Variants in AFF2 observed in about 807,000 individuals in gnomAD.
AFF2 encodes AF4/FMR2 family member 2.
In AFF2, 14 loss-of-function variants were observed where a neutral mutation model predicts 76.9. The observed-to-expected ratio is 0.18, with a 90% CI of 0.12 to 0.28. The LOEUF is 0.28. Ranked by LOEUF, AFF2 falls within the 10% of genes least tolerant of loss-of-function variation. The pLI is 1.00. For missense variants in AFF2, 868 were observed against 1,001.1 expected, an observed-to-expected ratio of 0.87 and a Z score of 1.79; for synonymous variants, 398 against 366.7, an observed-to-expected ratio of 1.09 and a Z score of -0.98.
At chrX:148,527,164 C>T (rs2052669995) in intron 1 of AFF2, among the ~76,000 whole-genome samples, 1 of 112,293 alleles carries the variant, frequency 8.9e-6, no homozygotes, top group African/African-American at 3.2e-5. Flanking sequence ...TGGAGACCTC[C>T]TGTGCCTCCT....
chrX:148,594,107 A>G (rs907542414), intron 1 of AFF2, among the ~76,000 whole-genome samples: 1 of 110,826 alleles, frequency 9.0e-6, no homozygotes, highest in Admixed American at 9.7e-5. Flanking sequence ...ATTTCGGTTT[A>G]TGAAACATCA....
At chrX:148,511,833 T>C (rs974789760) in intron 1 of AFF2, among the ~76,000 whole-genome samples, 13 of 112,677 alleles carry the variant, frequency 1.2e-4, no homozygotes, top group African/African-American at 4.2e-4. Flanking sequence ...GAGTTGAAGA[T>C]GAGCTGATAA....
chrX:148,999,179 T>A lies in AFF2; in HGVS notation c.*7847T>A, dbSNP rs1188397893. 9.0e-6 allele frequency: 1 copy of A among 111,366 alleles called. No individual in the cohort carries two copies. Among genetic ancestry groups the A allele is most frequent in the Non-Finnish European group, 1.9e-5 (1 of 53,086 alleles). 9.2% of individuals were successfully genotyped at this position (111,366 alleles called of 1,213,427 possible). ...GGTAAATTGACTGAGACTTGCAAAATACCCCTGAGAGTTGTCAGGGGTGTC... is the reference window on the plus strand; with the variant it reads ...GGTAAATTGACTGAGACTTGCAAAAAACCCCTGAGAGTTGTCAGGGGTGTC... On this transcript the variant is annotated 3_prime_UTR_variant, in exon 21 of 21. Coordinates refer to ENST00000370460, the MANE Select transcript of AFF2 (RefSeq NM_002025.4).
At chrX:148,955,582 C>G (rs373540525) in intron 10 of AFF2, 21 bp from the exon 11 acceptor site, 1 of 1,183,756 alleles carries the variant, frequency 8.4e-7, no homozygotes, top group Non-Finnish European at 1.1e-6. Flanking sequence ...ATCATTCTTG[C>G]TGCTGTTTCT....
chrX:148,616,611 A>G (rs550160531), intron 1 of AFF2, among the ~76,000 whole-genome samples: 39 of 110,327 alleles, frequency 3.5e-4, no homozygotes, highest in African/African-American at 1.2e-3. Context: ...TTTAGGGTAC[A>G]TGTGCACAAC....
intron 1 of AFF2, among the ~76,000 whole-genome samples, chrX:148,504,220 C>G (rs1421797626): frequency 2.7e-5 from 3 of 110,441 alleles, no homozygotes; most frequent in Non-Finnish European, 5.7e-5. Context: ...CACCTCCCAC[C>G]CAGTATTGAT....
intron 1 of AFF2, among the ~76,000 whole-genome samples, chrX:148,543,213 C>T (rs1204940314): frequency 1.8e-5 from 2 of 111,613 alleles, no homozygotes; most frequent in African/African-American, 6.5e-5. Context: ...TCTGAGTCTG[C>T]ATTGTCAAAA....
At chrX:148,892,639 G>A (rs2071236780) in intron 8 of AFF2, among the ~76,000 whole-genome samples, 1 of 111,515 alleles carries the variant, frequency 9.0e-6, no homozygotes, top group South Asian at 3.8e-4. Flanking sequence ...TAAATTGAAA[G>A]CCCGCATTTA....
At chrX:148,605,847 T>G (rs1195819558) in intron 1 of AFF2, among the ~76,000 whole-genome samples, 2 of 112,076 alleles carry the variant, frequency 1.8e-5, no homozygotes, top group African/African-American at 6.5e-5. Context: ...AAATACCAAG[T>G]CACCATTAGT....
intron 9 of AFF2, among the ~76,000 whole-genome samples, chrX:148,937,572 A>G (rs1461514478): frequency 8.9e-6 from 1 of 112,209 alleles, no homozygotes; most frequent in Non-Finnish European, 1.9e-5. Flanking sequence ...CAAAAGGGTA[A>G]GCAGGTGTCT....
At chrX:148,776,321 T>A (rs2069666218) in intron 3 of AFF2, among the ~76,000 whole-genome samples, 1 of 112,140 alleles carries the variant, frequency 8.9e-6, no homozygotes, top group African/African-American at 3.2e-5. Flanking sequence ...AATAAACATA[T>A]GTGTGTATGT....
intron 18 of AFF2, among the ~76,000 whole-genome samples, chrX:148,980,425 G>A (rs782045294): frequency 4.5e-5 from 5 of 112,145 alleles, no homozygotes; most frequent in African/African-American, 1.6e-4. Context: ...TTGTTTGGCA[G>A]AATAAATTTC....
chrX:148,529,985 G>C (rs1557235658), intron 1 of AFF2, among the ~76,000 whole-genome samples: 1 of 111,125 alleles, frequency 9.0e-6, no homozygotes, highest in African/African-American at 3.3e-5. Flanking sequence ...TGCGACTTTG[G>C]GCAAGTCCCT....
At chrX:148,724,750 A>G (rs1447195886) in intron 3 of AFF2, among the ~76,000 whole-genome samples, 7 of 112,497 alleles carry the variant, frequency 6.2e-5, no homozygotes, top group African/African-American at 2.3e-4. Flanking sequence ...CTTTCATGTC[A>G]TATAGTTAGA....
At chrX:148,791,346 C>T (rs782487688) in intron 3 of AFF2, among the ~76,000 whole-genome samples, 6 of 111,439 alleles carry the variant, frequency 5.4e-5, no homozygotes, top group Non-Finnish European at 9.4e-5. Context: ...GGGAACTCCC[C>T]GTTATAAAAC....
At chrX:148,986,942 A>C (rs1480467493) in intron 19 of AFF2, among the ~76,000 whole-genome samples, 1 of 111,746 alleles carries the variant, frequency 8.9e-6, no homozygotes, top group Admixed American at 9.5e-5. Context: ...ATTTGAAGAC[A>C]AAAGCAGTGG....
intron 9 of AFF2, among the ~76,000 whole-genome samples, chrX:148,942,365 A>G (rs781872996): frequency 1.5e-3 from 168 of 110,882 alleles, no homozygotes; most frequent in Non-Finnish European, 2.6e-3. Context: ...CTAACTCTGA[A>G]AACCTTATAG....
intron 8 of AFF2, among the ~76,000 whole-genome samples, chrX:148,893,199 A>AT (rs1166976149): frequency 1.8e-5 from 2 of 112,217 alleles, no homozygotes; most frequent in Non-Finnish European, 3.8e-5. Context: ...ATAGGATAAC[A>AT]TATAAGGTTA....
chrX:148,915,889 C>T (rs2071521849), intron 9 of AFF2, among the ~76,000 whole-genome samples: 4 of 112,497 alleles, frequency 3.6e-5, no homozygotes, highest in African/African-American at 6.5e-5. Flanking sequence ...AGGGATGTAA[C>T]ATAATTGAAA....
Sources: gnomAD v4.1 joint callset for allele counts (sites outside exome capture counted in the v4.1 genomes callset) on GRCh38, gnomAD v4.1.1 for gene constraint, MANE v1.5 for transcripts, NCBI Gene and HGNC (gene_info 2026-07-23, HGNC 2026-07-21) for gene names.